The following PTPRN2 variants were observed in gnomAD, a reference collection of about 807,000 sequenced individuals.
PTPRN2 encodes the protein protein tyrosine phosphatase receptor type N2.
In PTPRN2, 74 loss-of-function variants were observed where a neutral mutation model predicts 118.8. The observed-to-expected ratio is 0.62, with a 90% CI of 0.52 to 0.76. The LOEUF (loss-of-function observed/expected upper bound fraction) is 0.76. PTPRN2 is among the 30% of genes least tolerant of loss of function. The probability of loss-of-function intolerance (pLI) is 0.00; values close to 1 mark genes in which losing one functional copy is unlikely to be tolerated. For missense variants in PTPRN2, 1,481 were observed against 1,394.4 expected (o/e 1.06, Z -0.99); for synonymous variants, 641 against 608.0 (o/e 1.05, Z -0.80).
rs113006884 is a variant in PTPRN2, at chr7:157,994,621, G to T, written c.1723+86677C>A. 9.9e-3 allele frequency among the ~76,000 whole-genome samples: 676 copies of T among 68,324 alleles called. 2 individuals are homozygous for T. Among genetic ancestry groups the T allele is most frequent in the Middle Eastern group, 0.026 (3 of 116 alleles). The allele number at this position is 68,324 out of a possible 152,430, so 44.8% of individuals were successfully genotyped here. On this transcript the variant is annotated intron_variant, in intron 11 of 22. Coordinates refer to ENST00000389418, the MANE Select transcript of PTPRN2 (RefSeq NM_002847.5). ...GCCGCGTCCCCAGCTTACAACTCCT[G>T]GTTCCTAAAATCAACGCCGTGTCCC...
At position 157,944,791 on chromosome 7, in the gene PTPRN2, G is replaced by A. The variant is rs764351994; in HGVS notation, c.1724-46054C>T. On this transcript the variant is annotated intron_variant, in intron 11 of 22. Coordinates refer to ENST00000389418, the MANE Select transcript of PTPRN2 (RefSeq NM_002847.5). This position sits in a 1 kb window ranked among gnomAD's most constrained non-coding sequence, Gnocchi z 4.3. Reference sequence around the variant, plus strand: ...CAAGGGGCTGTTGGGACAGGCAGCCGCACCTGGCCAGCTCTGCCCTTGCTC... The same window carrying A: ...CAAGGGGCTGTTGGGACAGGCAGCCACACCTGGCCAGCTCTGCCCTTGCTC... Among the ~76,000 whole-genome samples the A allele has an allele frequency of 8.5e-5, 13 of 152,272 alleles. No homozygotes were observed. The highest frequency in any genetic ancestry group is 1.9e-4 in the East Asian group (1 of 5,172).
intron 6 of PTPRN2, among the ~76,000 whole-genome samples, chr7:158,142,014 G>C (rs1178417736): frequency 6.6e-6 from 1 of 152,206 alleles, no homozygotes; most frequent in Non-Finnish European, 1.5e-5. Context: ...CCTCTGAATT[G>C]TTCGGCAGAC....
intron 2 of PTPRN2, among the ~76,000 whole-genome samples, chr7:158,337,242 C>T (rs1460062103): frequency 6.0e-4 from 91 of 151,082 alleles, no homozygotes; most frequent in African/African-American, 2.1e-3. Flanking sequence ...CACATTCTCA[C>T]CATAAGAGCT....
At chr7:158,333,259 GC>G (rs1563156649) in intron 2 of PTPRN2, among the ~76,000 whole-genome samples, 228 of 125,688 alleles carry the variant, frequency 1.8e-3, no homozygotes, top group African/African-American at 7.4e-3. Flanking sequence ...GCTGTCGCCC[GC>G]AGGAGTCACT....
At chr7:157,664,750 C>T (rs749425953) in intron 13 of PTPRN2, among the ~76,000 whole-genome samples, 41 of 152,228 alleles carry the variant, frequency 2.7e-4, no homozygotes, top group Non-Finnish European at 5.6e-4. Flanking sequence ...CAGAGCAAGA[C>T]CCTGTCCGCC....
intron 3 of PTPRN2, among the ~76,000 whole-genome samples, chr7:158,239,681 G>T (rs757304652): frequency 6.6e-6 from 1 of 152,166 alleles, no homozygotes; most frequent in Non-Finnish European, 1.5e-5. Flanking sequence ...CAGCAGCCCC[G>T]CTTCAGTGCC....
chr7:157,604,097 G>T, intron 15 of PTPRN2, 22 bp from the exon 16 acceptor site: 1 of 1,612,072 alleles, frequency 6.2e-7, no homozygotes, highest in Non-Finnish European at 8.5e-7. Flanking sequence ...CAGTGCAGGG[G>T]TCAGAGGAAC....
chr7:158,168,741 A>C (rs757693866), intron 5 of PTPRN2, among the ~76,000 whole-genome samples: 4 of 151,666 alleles, frequency 2.6e-5, no homozygotes, highest in Non-Finnish European at 4.4e-5. Flanking sequence ...TTTTCTCCTC[A>C]CTCATTTAGT....
In PTPRN2 at chr7:158,565,537, G is replaced by A. The variant is rs1437034874; in HGVS notation, c.112+22021C>T. On this transcript the variant is annotated intron_variant, in intron 1 of 22. Coordinates refer to ENST00000389418, the MANE Select transcript of PTPRN2 (RefSeq NM_002847.5). The surrounding 1 kb of genome is among the most constrained non-coding windows in gnomAD (Gnocchi z 4.6). ...AAACAGGGCCTCAGCTCAATGGTGA[G>A]AAATCTTAACTCGGACGGCAAACTT... Among the ~76,000 whole-genome samples, 1 of 152,162 alleles carries A rather than the reference G, an allele frequency of 6.6e-6. No homozygotes were observed. The highest frequency in any genetic ancestry group is 6.5e-5 in the Admixed American group (1 of 15,290).
chr7:157,608,132 A>G (rs893813077), intron 15 of PTPRN2, among the ~76,000 whole-genome samples: 6 of 152,184 alleles, frequency 3.9e-5, no homozygotes, highest in African/African-American at 1.4e-4. Flanking sequence ...CAGTGGCACA[A>G]TATTGGATCA....
chr7:157,715,708 G>A lies in PTPRN2; in HGVS notation c.1789-32771C>T, dbSNP rs558154999. On this transcript the variant is annotated intron_variant, in intron 12 of 22. Transcript: ENST00000389418. ...CAGCGCCAGACTGCCAAGAGAAAAC[G>A]GCGGTCTCCGCCGTCCAAGCAGCAC... Among the ~76,000 whole-genome samples the A allele has an allele frequency of 3.3e-5, 5 of 152,346 alleles. No homozygotes were observed. In the East Asian group the frequency reaches 5.8e-4, roughly 18 times the overall value.
intron 17 of PTPRN2, among the ~76,000 whole-genome samples, chr7:157,588,304 C>T (rs1218898276): frequency 2.0e-5 from 3 of 152,210 alleles, no homozygotes; most frequent in Non-Finnish European, 4.4e-5. Flanking sequence ...TGACTCGAGC[C>T]GCGTAGCACA....
rs1038915547 is a variant in PTPRN2, at chr7:157,591,953, C to G, written c.2496+3285G>C. ...TTCACAATTTCTCAGAGGCTCTGCTCGGCTGGCATGCTCGAGAACATCCTG... is the reference window on the plus strand; with the variant it reads ...TTCACAATTTCTCAGAGGCTCTGCTGGGCTGGCATGCTCGAGAACATCCTG... On this transcript the variant is annotated intron_variant, in intron 17 of 22. Coordinates refer to ENST00000389418, the MANE Select transcript of PTPRN2 (RefSeq NM_002847.5). The surrounding 1 kb of genome is among the most constrained non-coding windows in gnomAD (Gnocchi z 4.4). Among the ~76,000 whole-genome samples, 1 of 152,166 alleles carries G rather than the reference C, an allele frequency of 6.6e-6. No individual in the cohort carries two copies. Among genetic ancestry groups the G allele is most frequent in the African/African-American group, 2.4e-5 (1 of 41,442 alleles).
rs1321339817 is a variant in PTPRN2 at position 157,603,258 on chromosome 7, G to T, written c.2418+744C>A. On this transcript the variant is annotated intron_variant, in intron 16 of 22. Transcript: ENST00000389418. The surrounding 1 kb of genome is among the most constrained non-coding windows in gnomAD (Gnocchi z 5.4). ...TCTCTCCCTCCTCTGCTCACTCTGG[G>T]AGGGCTGCAAACCTCCCCATTCAGC... 6.6e-6 allele frequency among the ~76,000 whole-genome samples: 1 copy of T among 152,030 alleles called. No homozygotes were observed. The highest frequency in any genetic ancestry group is 2.4e-5 in the African/African-American group (1 of 41,346).
At chr7:158,431,404 AAT>A (rs1816168006) in intron 2 of PTPRN2, among the ~76,000 whole-genome samples, 1 of 142,398 alleles carries the variant, frequency 7.0e-6, no homozygotes, top group African/African-American at 2.7e-5. Flanking sequence ...TCGAGCACAC[AAT>A]GGCTCACACT....
intron 12 of PTPRN2, among the ~76,000 whole-genome samples, chr7:157,851,973 C>G (rs992759805): frequency 6.6e-6 from 1 of 152,244 alleles, no homozygotes; most frequent in African/African-American, 2.4e-5. Context: ...GACAAGAGGA[C>G]GTGTTACTCA....
chr7:157,717,192 G>A (rs1456436332), intron 12 of PTPRN2, among the ~76,000 whole-genome samples: 2 of 152,262 alleles, frequency 1.3e-5, no homozygotes, highest in Admixed American at 6.5e-5. Context: ...GAGGCTTTGA[G>A]AAAATGCATC....
Position 157,591,954 on chromosome 7 carries a change from G to T in PTPRN2, c.2496+3284C>A, listed in dbSNP as rs921342768. 1.3e-5 allele frequency among the ~76,000 whole-genome samples: 2 copies of T among 152,178 alleles called. No homozygotes were observed. On this transcript the variant is annotated intron_variant, in intron 17 of 22. Coordinates refer to ENST00000389418, the MANE Select transcript of PTPRN2 (RefSeq NM_002847.5). The surrounding 1 kb of genome is among the most constrained non-coding windows in gnomAD (Gnocchi z 4.4). ...TCACAATTTCTCAGAGGCTCTGCTC[G>T]GCTGGCATGCTCGAGAACATCCTGG...
chr7:158,321,224 C>T (rs879426164), intron 2 of PTPRN2, among the ~76,000 whole-genome samples: 12 of 152,112 alleles, frequency 7.9e-5, no homozygotes, highest in East Asian at 5.8e-4. Context: ...GAAACAATCC[C>T]GGGAAGTGGC....
Sources: allele counts gnomAD v4.1 joint callset (sites outside exome capture counted in the v4.1 genomes callset), GRCh38; gene constraint gnomAD v4.1.1; non-coding constraint Gnocchi (gnomAD v3.1); transcripts MANE v1.5; gene names NCBI Gene and HGNC (gene_info 2026-07-23, HGNC 2026-07-21).